Variants in FBXL4 observed in about 807,000 individuals in gnomAD.
FBXL4 encodes the protein F-box/LRR-repeat protein 4.
In FBXL4, 40 loss-of-function variants were observed where a neutral mutation model predicts 58.9. The observed-to-expected ratio is 0.68, with a 90% CI of 0.53 to 0.88. The LOEUF (loss-of-function observed/expected upper bound fraction) is 0.88, where lower values mean the gene tolerates loss of function less well. Ranked by LOEUF, FBXL4 falls within the 40% of genes least tolerant of loss-of-function variation. FBXL4 has a pLI of 0.00. For synonymous variants in FBXL4, 263 were observed against 265.5 expected (o/e 0.99, Z 0.09); for missense variants, 676 against 734.4 (o/e 0.92, Z 0.92).
chr6:98,931,908 GGAC>G (rs1378402841), intron 2 of FBXL4, among the ~76,000 whole-genome samples: 9 of 152,174 alleles, frequency 5.9e-5, no homozygotes, highest in Non-Finnish European at 1.3e-4. Context: ...GGCGCTGTCT[GGAC>G]TTTTGCCAAG....
chr6:98,916,512 T>C (rs1262494147), intron 5 of FBXL4, among the ~76,000 whole-genome samples: 1 of 152,052 alleles, frequency 6.6e-6, no homozygotes, highest in Non-Finnish European at 1.5e-5. Context: ...TTCATGTCCT[T>C]TGTAGGGACA....
rs148574319 is a variant in FBXL4 at position 98,874,218 on chromosome 6, C to A, written c.*60G>T. On this transcript the variant is annotated 3_prime_UTR_variant, in exon 10 of 10. Transcript: ENST00000369244. ...AAACAACTAAAAACAAAACCCAAAACCAATCCCAAAATTAAACCCCAACAA... is the reference window on the plus strand; with the variant it reads ...AAACAACTAAAAACAAAACCCAAAAACAATCCCAAAATTAAACCCCAACAA... The A allele has an allele frequency of 3.0e-4, 407 of 1,376,232 alleles. 4 individuals carry two copies. The South Asian group carries it at 6.4e-3, about 22-fold the overall frequency. 85.3% of individuals were successfully genotyped at this position (1,376,232 alleles called of 1,614,324 possible). A position where few individuals can be genotyped will look rare whatever the true frequency, so the allele number is the denominator to read the frequency against.
intron 5 of FBXL4, among the ~76,000 whole-genome samples, chr6:98,915,657 T>A (rs929044421): frequency 1.8e-4 from 28 of 151,916 alleles, no homozygotes; most frequent in Non-Finnish European, 1.0e-4. Flanking sequence ...TACACCTTAT[T>A]CAAAAATTAA....
chr6:98,932,885 A>C (rs1338785591), intron 2 of FBXL4, among the ~76,000 whole-genome samples: 3 of 152,010 alleles, frequency 2.0e-5, no homozygotes, highest in Admixed American at 6.6e-5. Flanking sequence ...AAAAGAGCCC[A>C]CAGAGACATG....
intron 1 of FBXL4, among the ~76,000 whole-genome samples, chr6:98,936,062 AT>A (rs1329743318): frequency 2.0e-5 from 3 of 152,244 alleles, no homozygotes; most frequent in East Asian, 3.8e-4. Flanking sequence ...CTAGAAAAAA[AT>A]ATAGTGGATT....
At chr6:98,874,483 A>T (rs1308273754) in intron 9 of FBXL4, 42 bp from the exon 10 acceptor site, 1 of 1,557,478 alleles carries the variant, frequency 6.4e-7, no homozygotes, top group Non-Finnish European at 8.7e-7. Context: ...AAACACCTTA[A>T]GTATAACATT....
At chr6:98,895,645 A>T (rs1370064852) in intron 7 of FBXL4, among the ~76,000 whole-genome samples, 1 of 152,222 alleles carries the variant, frequency 6.6e-6, no homozygotes, top group Non-Finnish European at 1.5e-5. Flanking sequence ...ATGTGTAAAG[A>T]TGAGAATACC....
At chr6:98,916,407 G>A (rs1772348090) in intron 5 of FBXL4, among the ~76,000 whole-genome samples, 2 of 152,086 alleles carry the variant, frequency 1.3e-5, no homozygotes, top group Non-Finnish European at 2.9e-5. Context: ...GCAAAGACTT[G>A]GAACCAACCC....
At chr6:98,947,015 C>CA (rs1773645116) in intron 1 of FBXL4, among the ~76,000 whole-genome samples, 1 of 152,186 alleles carries the variant, frequency 6.6e-6, no homozygotes, top group African/African-American at 2.4e-5. Context: ...GTGAACAGAC[C>CA]AAAGCAAGCA....
chr6:98,924,446 G>A (rs939460436), intron 4 of FBXL4, among the ~76,000 whole-genome samples: 4 of 151,938 alleles, frequency 2.6e-5, no homozygotes, highest in South Asian at 2.1e-4. Flanking sequence ...AATCCCAGCC[G>A]CTCAGGTGGC....
intron 7 of FBXL4, among the ~76,000 whole-genome samples, chr6:98,882,515 A>C (rs1469759593): frequency 6.6e-6 from 1 of 152,022 alleles, no homozygotes; most frequent in Non-Finnish European, 1.5e-5. Context: ...TCTTTAATGA[A>C]ACTTGTTTGG....
intron 1 of FBXL4, among the ~76,000 whole-genome samples, chr6:98,943,579 C>CAAAAAAAAAA (rs59697294): frequency 2.6e-5 from 2 of 76,692 alleles, no homozygotes; most frequent in South Asian, 5.5e-4. Context: ...GACTCTGTCT[C>CAAAAAAAAAA]AAAAAAAAAA....
intron 1 of FBXL4, among the ~76,000 whole-genome samples, chr6:98,941,797 A>G (rs1414825094): frequency 1.3e-5 from 2 of 152,192 alleles, no homozygotes; most frequent in Non-Finnish European, 2.9e-5. Context: ...AGACAGGGAA[A>G]CAAGTTAAGC....
At chr6:98,911,213 G>A (rs968946395) in intron 5 of FBXL4, among the ~76,000 whole-genome samples, 1 of 152,344 alleles carries the variant, frequency 6.6e-6, no homozygotes, top group Non-Finnish European at 1.5e-5. Flanking sequence ...AACTCAAGGA[G>A]GCCTACCTGC....
At chr6:98,915,709 T>TA (rs1352950726) in intron 5 of FBXL4, among the ~76,000 whole-genome samples, 1 of 152,122 alleles carries the variant, frequency 6.6e-6, no homozygotes, top group Non-Finnish European at 1.5e-5. Flanking sequence ...CCTAAAACCA[T>TA]AAAAACCTTA....
intron 8 of FBXL4, 54 bp downstream of exon 8, chr6:98,880,499 G>T: frequency 6.9e-7 from 1 of 1,459,484 alleles, no homozygotes; most frequent in Non-Finnish European, 9.6e-7. Context: ...TTCACCCATA[G>T]GAAGAAAAAG....
intron 7 of FBXL4, among the ~76,000 whole-genome samples, chr6:98,887,181 G>T (rs958647963): frequency 3.9e-5 from 6 of 152,184 alleles, no homozygotes; most frequent in African/African-American, 1.4e-4. Flanking sequence ...TGGGAAGACT[G>T]CTTGAGACCA....
chr6:98,899,032 T>C, intron 7 of FBXL4: 1 of 985,390 alleles, frequency 1.0e-6, no homozygotes, highest in Non-Finnish European at 1.2e-6. Context: ...GGGACATAAA[T>C]AGCATCACAA....
intron 5 of FBXL4, among the ~76,000 whole-genome samples, chr6:98,907,678 G>T (rs1356656144): frequency 6.6e-6 from 1 of 151,702 alleles, no homozygotes; most frequent in Non-Finnish European, 1.5e-5. Flanking sequence ...ATGAGAGAGG[G>T]TTTTTTTTAA....
Sources: allele counts gnomAD v4.1 joint callset (sites outside exome capture counted in the v4.1 genomes callset), GRCh38; gene constraint gnomAD v4.1.1; transcripts MANE v1.5; gene names NCBI Gene and HGNC (gene_info 2026-07-23, HGNC 2026-07-21).